MYLK: variants seen among roughly 807,000 people sequenced by gnomAD.
MYLK encodes myosin light chain kinase, also known as myosin light chain kinase, smooth muscle.
A neutral mutation model predicts 203.4 loss-of-function variants in MYLK; 106 were observed. That is an observed-to-expected ratio of 0.52 (90% CI 0.45 to 0.61). The LOEUF (loss-of-function observed/expected upper bound fraction) is 0.61, where lower values mean the gene tolerates loss of function less well. MYLK is among the 20% of genes least tolerant of loss of function. MYLK has a pLI of 0.00. For missense variants in MYLK, 2,072 were observed against 2,442.3 expected, an observed-to-expected ratio of 0.85 and a Z score of 3.20; for synonymous variants, 867 against 959.5, an observed-to-expected ratio of 0.90 and a Z score of 1.78.
Position 123,734,166 on chromosome 3 carries a change from T to C in MYLK, c.830A>G (p.Asn277Ser), listed in dbSNP as rs745524804. 1.2e-5 allele frequency: 19 copies of C among 1,560,562 alleles called. No homozygotes were observed. The highest frequency in any genetic ancestry group is 2.2e-5 in the East Asian group (1 of 44,470). Residue 277 changes from asparagine to serine, a missense_variant, in exon 10 of 34, where the codon AAT (asparagine) becomes AGT (serine). By Grantham distance (46) the Asn-to-Ser change is conservative. Transcript: ENST00000360304. Reference protein sequence around the residue: ...TNSDVRKEVTNVISKESKLDS... With the variant: ...TNSDVRKEVTSVISKESKLDS... The stretch of plus-strand genomic sequence containing the variant: ...CAGCTTCGACTCCTTTGAGATTACA[T>C]TGGTCACCTCTTTCCTGACATCTGA...
intron 33 of MYLK, among the ~76,000 whole-genome samples, chr3:123,614,898 C>T (rs975765243): frequency 3.9e-5 from 6 of 152,074 alleles, no homozygotes; most frequent in African/African-American, 1.4e-4. Context: ...CCTCAACTTC[C>T]TGGGCTCAAG....
intron 1 of MYLK, among the ~76,000 whole-genome samples, chr3:123,877,529 G>A (rs2033232576): frequency 6.6e-6 from 1 of 152,306 alleles, no homozygotes; most frequent in African/African-American, 2.4e-5. Context: ...GAGTCCCTAG[G>A]TGCCTGCCCA....
At chr3:123,615,760 C>T (rs1297165911) in intron 33 of MYLK, among the ~76,000 whole-genome samples, 3 of 151,874 alleles carry the variant, frequency 2.0e-5, no homozygotes, top group Non-Finnish European at 4.4e-5. Flanking sequence ...GTGATCCTTC[C>T]ACCTCAGCCT....
intron 4 of MYLK, among the ~76,000 whole-genome samples, chr3:123,768,328 G>C (rs540082451): frequency 1.9e-4 from 29 of 152,308 alleles, no homozygotes; most frequent in Middle Eastern, 6.8e-3. Context: ...TGTTTCCCTG[G>C]CCCTCAGCTG....
At chr3:123,667,258 G>A in intron 20 of MYLK, 71 bp from the exon 21 acceptor site, 1 of 1,474,992 alleles carries the variant, frequency 6.8e-7, no homozygotes, top group Non-Finnish European at 9.4e-7. Flanking sequence ...ATCCTAGGAA[G>A]ATGCAGTCTT....
intron 2 of MYLK, among the ~76,000 whole-genome samples, chr3:123,874,556 C>A (rs2033027508): frequency 6.6e-6 from 1 of 152,110 alleles, no homozygotes; most frequent in South Asian, 2.1e-4. Context: ...TGGAGAAAAT[C>A]TTAATGACTC....
At position 123,742,606 on chromosome 3, in the gene MYLK, C is replaced by A. The variant is rs932951006; in HGVS notation, c.374-2605G>T. 3.3e-5 allele frequency among the ~76,000 whole-genome samples: 5 copies of A among 152,174 alleles called. No individual in the cohort carries two copies. The East Asian group carries it at 9.6e-4, about 29-fold the overall frequency. On this transcript the variant is annotated intron_variant, in intron 5 of 33. Coordinates refer to ENST00000360304, the MANE Select transcript of MYLK (RefSeq NM_053025.4). ...TAGGGCCTTCTAAACACGCTCCATA[C>A]AACAGCATTATCCAGTCTCTAACAT...
intron 19 of MYLK, among the ~76,000 whole-genome samples, chr3:123,685,995 G>A (rs1235006246): frequency 6.6e-6 from 1 of 152,198 alleles, no homozygotes; most frequent in Non-Finnish European, 1.5e-5. Flanking sequence ...TGCACCACGG[G>A]GCCCTGCCAG....
Position 123,738,891 on chromosome 3 carries a change from C to T in MYLK, c.588+6G>A. The T allele has an allele frequency of 2.5e-6, 4 of 1,607,102 alleles. No individual in the cohort carries two copies. Among genetic ancestry groups the T allele is most frequent in the Non-Finnish European group, 3.4e-6 (4 of 1,176,386 alleles). On this transcript the variant is annotated splice_donor_region_variant and intron_variant, in intron 7 of 33. Transcript: ENST00000360304. ...GGATCAGGGTCAGGGCAGACAGAAA[C>T]CTCACCTTGAGCCAGGTGACCTGCG...
At chr3:123,687,638 T>TTCCC (rs2060507527) in intron 19 of MYLK, among the ~76,000 whole-genome samples, 1 of 150,998 alleles carries the variant, frequency 6.6e-6, no homozygotes, top group Non-Finnish European at 1.5e-5. Context: ...CTTTCCTTCC[T>TTCCC]TCCCTCCTTC....
In MYLK at chr3:123,701,504, C is replaced by T. The variant is rs1435664878; in HGVS notation, c.2396G>A (p.Arg799Gln). The change falls in exon 17 of 34, where the codon CGG becomes CAG. Residue 799 changes from arginine to glutamine, a missense_variant. Coordinates refer to ENST00000360304, the MANE Select transcript of MYLK (RefSeq NM_053025.4). ...CACCTGGCAACTGCATTCGCCAACC[C>T]GGTTCCTGAAGAATTCCAAAGATCA... ...AGQYEILLKN[R>Q]VGECSCQVSL... The T allele has an allele frequency of 9.9e-6, 16 of 1,613,754 alleles. No individual in the cohort carries two copies. Among genetic ancestry groups the T allele is most frequent in the South Asian group, 4.4e-5 (4 of 91,072 alleles).
chr3:123,824,877 G>A (rs373301689), intron 3 of MYLK, among the ~76,000 whole-genome samples: 70 of 152,150 alleles, frequency 4.6e-4, no homozygotes, highest in Middle Eastern at 6.8e-3. Flanking sequence ...GGCTGGGTTC[G>A]TTGGCTCAAG....
At position 123,642,028 on chromosome 3, in the gene MYLK, T is replaced by A. The variant is rs1213423315; in HGVS notation, c.4620-1524A>T. On this transcript the variant is annotated intron_variant, in intron 27 of 33. Transcript: ENST00000360304. This position sits in a 1 kb window ranked among gnomAD's most constrained non-coding sequence, Gnocchi z 4.2. ...TGCCACCGCACCTGGCTAATTTTTT[T>A]AATGTTTTGTAGAGACAGGGTCTCT... Among the ~76,000 whole-genome samples the A allele has an allele frequency of 6.6e-6, 1 of 152,186 alleles. No individual in the cohort carries two copies. Among genetic ancestry groups the A allele is most frequent in the African/African-American group, 2.4e-5 (1 of 41,520 alleles).
intron 2 of MYLK, among the ~76,000 whole-genome samples, chr3:123,846,529 A>C (rs1168026133): frequency 6.6e-6 from 1 of 152,168 alleles, no homozygotes; most frequent in Admixed American, 6.6e-5. Context: ...GAACACTTTA[A>C]TATTAAACGT....
intron 32 of MYLK, 103 bp from the exon 33 acceptor site, chr3:123,618,873 A>G: frequency 6.7e-7 from 1 of 1,484,672 alleles, no homozygotes; most frequent in Admixed American, 1.7e-5. Context: ...ATGATTTAGC[A>G]AAGAAGGCAG....
intron 2 of MYLK, among the ~76,000 whole-genome samples, chr3:123,855,560 G>A (rs983839389): frequency 2.0e-5 from 3 of 151,964 alleles, no homozygotes; most frequent in Non-Finnish European, 2.9e-5. Flanking sequence ...GTTTGCTTAA[G>A]CCCAGGAGTT....
intron 12 of MYLK, among the ~76,000 whole-genome samples, chr3:123,723,438 C>T (rs2062164761): frequency 6.6e-6 from 1 of 152,310 alleles, no homozygotes; most frequent in African/African-American, 2.4e-5. Flanking sequence ...GAGCACTGCT[C>T]TTTGTTTTTA....
intron 19 of MYLK, among the ~76,000 whole-genome samples, chr3:123,685,898 C>T (rs2060435588): frequency 6.6e-6 from 1 of 152,100 alleles, no homozygotes. Flanking sequence ...GGCTGAAGTC[C>T]CCCTTTCAAA....
intron 9 of MYLK, chr3:123,735,022 C>T (rs980769836): frequency 8.6e-6 from 3 of 347,462 alleles, no homozygotes; most frequent in African/African-American, 4.2e-5. Context: ...TAGCGCCGAG[C>T]CTCACACACA....
Sources: gnomAD v4.1 joint callset for allele counts (sites outside exome capture counted in the v4.1 genomes callset) on GRCh38, gnomAD v4.1.1 for gene constraint, Gnocchi (gnomAD v3.1) non-coding constraint, MANE v1.5 for transcripts, NCBI Gene and HGNC (gene_info 2026-07-23, HGNC 2026-07-21) for gene names.